AOPEP: variants seen among roughly 807,000 people sequenced by gnomAD.
The protein encoded by AOPEP is aminopeptidase O (putative).
AOPEP carries 77 observed loss-of-function variants against 98.1 expected under a neutral mutation model. The ratio of observed to expected loss-of-function variants is 0.78; its 90% CI spans 0.65 to 0.95. The LOEUF is 0.95. AOPEP is among the 40% of genes least tolerant of loss of function. AOPEP has a pLI of 0.00. For missense variants in AOPEP, 1,024 were observed against 1,024.7 expected, an observed-to-expected ratio of 1.00 and a Z score of 0.01; for synonymous variants, 346 against 365.3, an observed-to-expected ratio of 0.95 and a Z score of 0.60.
At chr9:94,883,563 C>T (rs1361311813) in intron 5 of AOPEP, among the ~76,000 whole-genome samples, 1 of 152,138 alleles carries the variant, frequency 6.6e-6, no homozygotes, top group Non-Finnish European at 1.5e-5. Context: ...CAGTTTGTTA[C>T]ACACTAAGTT....
intron 5 of AOPEP, among the ~76,000 whole-genome samples, chr9:94,807,052 C>G (rs1243964749): frequency 1.3e-5 from 2 of 152,044 alleles, no homozygotes; most frequent in East Asian, 3.9e-4. Flanking sequence ...CCATACTGAC[C>G]CTGTGAGTGA....
rs2061924165 is a variant in AOPEP, at chr9:95,005,383, G to A, written c.2041-159G>A. ...CCGTGACGAAGGTCGCGGCCCCTGCGGTGAGGCGCCCGGCGAGTTCCGCGG... is the reference window on the plus strand; with the variant it reads ...CCGTGACGAAGGTCGCGGCCCCTGCAGTGAGGCGCCCGGCGAGTTCCGCGG... On this transcript the variant is annotated intron_variant, in intron 12 of 16. Coordinates refer to ENST00000375315, the MANE Select transcript of AOPEP (RefSeq NM_001193329.3). 2.0e-5 allele frequency among the ~76,000 whole-genome samples: 3 copies of A among 151,712 alleles called. No homozygotes were observed. In the South Asian group the frequency reaches 6.2e-4, roughly 31 times the overall value.
chr9:95,099,379 C>T, the AOPEP span: 100 of 227,868 alleles, frequency 4.4e-4, 1 homozygote, highest in African/African-American at 2.0e-3. Context: ...TGCCTCCCTG[C>T]GGCTGCCCCT....
chr9:94,997,656 A>G (rs1164892797), intron 11 of AOPEP, among the ~76,000 whole-genome samples: 1 of 152,154 alleles, frequency 6.6e-6, no homozygotes, highest in Non-Finnish European at 1.5e-5. Flanking sequence ...GAAACCACTG[A>G]TCTAAAGGCA....
intron 7 of AOPEP, among the ~76,000 whole-genome samples, chr9:94,949,947 T>C (rs2057980092): frequency 6.6e-6 from 1 of 152,242 alleles, no homozygotes; most frequent in Admixed American, 6.5e-5. Flanking sequence ...GTTTCTTTTA[T>C]TTATTTTCTG....
intron 5 of AOPEP, among the ~76,000 whole-genome samples, chr9:94,828,193 C>T (rs927928346): frequency 3.3e-5 from 5 of 152,168 alleles, no homozygotes; most frequent in South Asian, 2.1e-4. Flanking sequence ...TGTCCTCTGA[C>T]GCACAGAAGT....
intron 13 of AOPEP, among the ~76,000 whole-genome samples, chr9:95,025,492 C>A (rs1310797866): frequency 6.6e-6 from 1 of 152,054 alleles, no homozygotes; most frequent in African/African-American, 2.4e-5. Context: ...CAGAGCTGAC[C>A]CCACTGAGCA....
chr9:95,138,723 G>T, the AOPEP span, among the ~76,000 whole-genome samples: 1 of 152,202 alleles, frequency 6.6e-6, no homozygotes, highest in Non-Finnish European at 1.5e-5. Flanking sequence ...GTGGTGGTGG[G>T]GAAGCTGCTG....
At chr9:95,128,942 G>A in the AOPEP span, among the ~76,000 whole-genome samples, 2 of 149,866 alleles carry the variant, frequency 1.3e-5, no homozygotes, top group African/African-American at 4.9e-5. Flanking sequence ...GTCTCATTCT[G>A]TTGCCAGGCT....
chr9:95,144,406 T>C, the AOPEP span, among the ~76,000 whole-genome samples: 5 of 152,204 alleles, frequency 3.3e-5, no homozygotes, highest in Non-Finnish European at 7.3e-5. Context: ...GAGAACATGC[T>C]ATCACAAGCA....
At chr9:94,958,895 C>T (rs1188617320) in intron 9 of AOPEP, among the ~76,000 whole-genome samples, 1 of 151,656 alleles carries the variant, frequency 6.6e-6, no homozygotes, top group Non-Finnish European at 1.5e-5. Flanking sequence ...TCCAATGTAT[C>T]TATTTTCTCT....
intron 5 of AOPEP, among the ~76,000 whole-genome samples, chr9:94,916,711 T>TAAAAA (rs1258413400): frequency 9.5e-5 from 13 of 137,124 alleles, no homozygotes; most frequent in African/African-American, 3.7e-4. Context: ...AAAAAAAAAT[T>TAAAAA]AAATAAATAA....
intron 9 of AOPEP, among the ~76,000 whole-genome samples, chr9:94,965,594 A>G (rs1281764387): frequency 1.3e-5 from 2 of 152,256 alleles, no homozygotes; most frequent in East Asian, 1.9e-4. Flanking sequence ...GATCTGTGCT[A>G]CTGCTTCCAT....
At chr9:95,048,313 T>C (rs1420789273) in intron 13 of AOPEP, among the ~76,000 whole-genome samples, 1 of 152,214 alleles carries the variant, frequency 6.6e-6, no homozygotes, top group African/African-American at 2.4e-5. Flanking sequence ...ACTGCCTTTG[T>C]TCTCAAAGCC....
chr9:94,728,731 C>T (rs927257261), intron 1 of AOPEP, among the ~76,000 whole-genome samples: 5 of 152,136 alleles, frequency 3.3e-5, no homozygotes, highest in African/African-American at 9.7e-5. Context: ...CACCAAAAGA[C>T]GATCTCCAGA....
intron 5 of AOPEP, among the ~76,000 whole-genome samples, chr9:94,804,180 A>C (rs1255675924): frequency 1.3e-5 from 2 of 152,188 alleles, no homozygotes; most frequent in African/African-American, 4.8e-5. Flanking sequence ...TAACAGCAGT[A>C]ACGTTAATGG....
intron 13 of AOPEP, among the ~76,000 whole-genome samples, chr9:95,051,532 T>C (rs915961085): frequency 6.6e-6 from 1 of 152,202 alleles, no homozygotes; most frequent in Non-Finnish European, 1.5e-5. Flanking sequence ...GCAAACTAGA[T>C]TGTTATAACT....
intron 15 of AOPEP, among the ~76,000 whole-genome samples, chr9:95,081,085 C>T (rs936023753): frequency 6.6e-5 from 10 of 152,292 alleles, no homozygotes; most frequent in South Asian, 2.1e-4. Context: ...CCCTTGGTGA[C>T]GCCGTGGGGT....
chr9:95,111,550 C>T, the AOPEP span: 71 of 1,613,984 alleles, frequency 4.4e-5, 1 homozygote, highest in Non-Finnish European at 3.2e-5. Context: ...GTTCGGCTGC[C>T]GACATCAGTA....
Sources: allele counts gnomAD v4.1 joint callset (sites outside exome capture counted in the v4.1 genomes callset), GRCh38; gene constraint gnomAD v4.1.1; transcripts MANE v1.5; gene names NCBI Gene and HGNC (gene_info 2026-07-23, HGNC 2026-07-21).